The following PZP variants were observed in gnomAD, a reference collection of about 807,000 sequenced individuals.
The protein encoded by PZP is PZP alpha-2-macroglobulin like.
A neutral mutation model predicts 179.8 loss-of-function variants in PZP; 150 were observed. The ratio of observed to expected loss-of-function variants is 0.83; its 90% CI spans 0.73 to 0.96. The LOEUF is 0.96. PZP is among the 40% of genes least tolerant of loss of function. The pLI, the probability that PZP is intolerant of heterozygous loss-of-function variation, is 0.00. For missense variants in PZP, 1,689 were observed against 1,764.0 expected (o/e 0.96, Z 0.76); for synonymous variants, 624 against 652.3 (o/e 0.96, Z 0.66).
In PZP at chr12:9,162,693, G is replaced by A. The variant is rs371713435; in HGVS notation, c.2737-45C>T. On this transcript the variant is annotated intron_variant, in intron 21 of 35. Coordinates refer to ENST00000261336, the MANE Select transcript of PZP (RefSeq NM_002864.3). ...AAGGAGAAAAGATAGAAACATCCTG[G>A]TGACAAGAGAACCACATGGATTCCT... is the stretch of plus-strand genomic sequence containing the variant. The A allele has an allele frequency of 8.7e-5, 125 of 1,443,956 alleles. 1 individual carries two copies. The African/African-American group carries it at 1.5e-3, about 17-fold the overall frequency. 89.4% of individuals were successfully genotyped at this position (1,443,956 alleles called of 1,614,324 possible). A position where few individuals can be genotyped will look rare whatever the true frequency, so the allele number is the denominator to read the frequency against.
chr12:9,194,560 A>C (rs751032488), intron 10 of PZP, among the ~76,000 whole-genome samples: 1 of 145,476 alleles, frequency 6.9e-6, no homozygotes, highest in South Asian at 2.2e-4. Flanking sequence ...TGCCTCCTGG[A>C]CTCACGCCAT....
At position 9,169,455 on chromosome 12, in the gene PZP, T is replaced by C; in HGVS notation, c.1976A>G (p.Glu659Gly). The C allele has an allele frequency of 6.2e-7, 1 of 1,608,976 alleles. No homozygotes were observed. The highest frequency in any genetic ancestry group is 1.3e-5 in the African/African-American group (1 of 74,792). The change falls in exon 16 of 36, where the codon GAA becomes GGA. Residue 659 changes from glutamate to glycine, a missense_variant. Physicochemically the swap from Glu to Gly is moderately conservative, Grantham distance 98 (BLOSUM62 -2). Transcript: ENST00000261336. Reference protein sequence around the residue: ...GAIYVPLSSNEADIYSFLKGM... With the variant: ...GAIYVPLSSNGADIYSFLKGM... Reference sequence around the variant, plus strand: ...CTTGAGGAAGCTATAAATATCTGCTTCATTACTTGATAAGGGAACATAGAT... The same window carrying C: ...CTTGAGGAAGCTATAAATATCTGCTCCATTACTTGATAAGGGAACATAGAT...
chr12:9,202,945 T>C (rs1452728978), intron 2 of PZP, among the ~76,000 whole-genome samples: 2 of 152,180 alleles, frequency 1.3e-5, no homozygotes, highest in Non-Finnish European at 2.9e-5. Flanking sequence ...TAACTGAGTA[T>C]GTATATTCTG....
chr12:9,187,413 A>G (rs11049326), intron 13 of PZP, among the ~76,000 whole-genome samples: 36,982 of 152,116 alleles, frequency 0.24, 5,293 homozygotes, highest in Admixed American at 0.35. Flanking sequence ...CTACTCTAAA[A>G]CCGATCACAC....
At chr12:9,158,281 G>A in intron 26 of PZP, 139 bp downstream of exon 26, 2 of 1,292,424 alleles carry the variant, frequency 1.5e-6, no homozygotes, top group South Asian at 1.4e-5. Flanking sequence ...TGTAGAAAGT[G>A]TAATACTCTT....
At chr12:9,189,381 A>G (rs1943321757) in intron 13 of PZP, among the ~76,000 whole-genome samples, 1 of 152,202 alleles carries the variant, frequency 6.6e-6, no homozygotes, top group Admixed American at 6.5e-5. Context: ...CAAAGCTAAC[A>G]AACACAAGGA....
At chr12:9,203,976 A>ACTATCAT (rs1944321474) in intron 1 of PZP, 25 bp from the exon 2 acceptor site, 1 of 1,572,972 alleles carries the variant, frequency 6.4e-7, no homozygotes, top group Non-Finnish European at 8.7e-7. Context: ...AGTCTAAATT[A>ACTATCAT]GAGAAAAACT....
chr12:9,160,414 C>G lies in PZP; in HGVS notation c.2949G>C (p.Met983Ile), dbSNP rs779646812. 2.5e-6 allele frequency: 4 copies of G among 1,613,974 alleles called. No homozygotes were observed. Among genetic ancestry groups the G allele is most frequent in the Non-Finnish European group, 3.4e-6 (4 of 1,179,872 alleles). Residue 983 changes from methionine (M) to isoleucine (I), a missense_variant, in exon 24 of 36, where the codon ATG (methionine) becomes ATC (isoleucine). Around this residue, in one of 3 missense-constraint regions of PZP, gnomAD observed 746 missense variants for 749.2 expected, o/e 1.00. Coordinates refer to ENST00000261336, the MANE Select transcript of PZP (RefSeq NM_002864.3). ...QMPYGCGEQN[M>I]VLFAPNIYVL... ...CATAGATGTTAGGAGCAAATAGGAC[C>G]ATGTTCTGTTCTCCACAGCCATATG... is the stretch of plus-strand genomic sequence containing the variant.
intron 4 of PZP, 105 bp from the exon 5 acceptor site, chr12:9,201,452 T>C (rs1592567194): frequency 2.3e-6 from 2 of 851,124 alleles, no homozygotes; most frequent in Non-Finnish European, 3.7e-6. Context: ...TATCTGTAGC[T>C]AAATTCAACA....
intron 28 of PZP, among the ~76,000 whole-genome samples, chr12:9,156,756 G>C (rs1207946899): frequency 6.6e-6 from 1 of 152,028 alleles, no homozygotes; most frequent in East Asian, 1.9e-4. Context: ...TGTATGACTT[G>C]GCTAAGGAAT....
rs1288294272 is a variant in PZP, at chr12:9,196,506, G to T, written c.982+65C>A. 4 of 1,569,568 alleles carry T rather than the reference G, an allele frequency of 2.5e-6. No homozygotes were observed. In the South Asian group the frequency reaches 3.3e-5, roughly 13 times the overall value. On this transcript the variant is annotated intron_variant, in intron 9 of 35. Transcript: ENST00000261336. Reference sequence around the variant, plus strand: ...GTCATAAAATTTCTTTCTTACAAATGACCTTTATTTTGTTATGGAAAGTAA... The same window carrying T: ...GTCATAAAATTTCTTTCTTACAAATTACCTTTATTTTGTTATGGAAAGTAA...
Position 9,154,814 on chromosome 12 carries a change from A to T in PZP, c.3576T>A (p.Pro1192=). The T allele has an allele frequency of 6.2e-7, 1 of 1,614,138 alleles. No individual in the cohort carries two copies. The highest frequency in any genetic ancestry group is 8.5e-7 in the Non-Finnish European group (1 of 1,180,018). The change falls in exon 29 of 36, where the codon CCT becomes CCA. Residue 1192 remains proline (P), a synonymous_variant. Transcript: ENST00000261336. ...GCCCCACTGGTGCCTTGGGTCTCTG[A>T]GGGCGCTCCCAATGGACGAGGTTGT... The part of the protein sequence containing the change: ...KEDNLVHWER[P]QRPKAPVGHL...
chr12:9,174,323 T>C (rs1230989472), intron 15 of PZP, among the ~76,000 whole-genome samples: 2 of 151,990 alleles, frequency 1.3e-5, no homozygotes, highest in Admixed American at 6.6e-5. Flanking sequence ...TGAAGGAACA[T>C]ACCTCATAAG....
downstream of PZP, among the ~76,000 whole-genome samples, chr12:9,146,171 T>C (rs1939998156): frequency 1.3e-5 from 2 of 152,104 alleles, no homozygotes; most frequent in Admixed American, 6.6e-5. Flanking sequence ...AATGGTCAAT[T>C]TGATGGTGCT....
At chr12:9,154,080 T>C (rs1482582902) in intron 29 of PZP, among the ~76,000 whole-genome samples, 1 of 152,220 alleles carries the variant, frequency 6.6e-6, no homozygotes, top group Non-Finnish European at 1.5e-5. Context: ...AAGTGGATTC[T>C]ACTTAGTCAC....
chr12:9,141,546 C>G, the PZP span, among the ~76,000 whole-genome samples: 1 of 152,296 alleles, frequency 6.6e-6, no homozygotes, highest in African/African-American at 2.4e-5. Flanking sequence ...GATACTTCTT[C>G]AACTTTAGCC....
chr12:9,170,383 A>T lies in PZP; in HGVS notation c.1840-792T>A, dbSNP rs1442758737. On this transcript the variant is annotated intron_variant, in intron 15 of 35. Transcript: ENST00000261336. This position sits in a 1 kb window ranked among gnomAD's most constrained non-coding sequence, Gnocchi z 4.6. Reference sequence around the variant, plus strand: ...CAGAGCAGCTGCTCAGGCACACAGAAACCCTGGAGTTTTACATAATCCGGC... The same window carrying T: ...CAGAGCAGCTGCTCAGGCACACAGATACCCTGGAGTTTTACATAATCCGGC... 6.6e-6 allele frequency among the ~76,000 whole-genome samples: 1 copy of T among 152,180 alleles called. No homozygotes were observed. Among genetic ancestry groups the T allele is most frequent in the Non-Finnish European group, 1.5e-5 (1 of 68,038 alleles).
intron 22 of PZP, among the ~76,000 whole-genome samples, chr12:9,161,509 T>A (rs1592461537): frequency 6.6e-6 from 1 of 152,176 alleles, no homozygotes; most frequent in Non-Finnish European, 1.5e-5. Flanking sequence ...CATTTAACTA[T>A]ATTTTTGCAT....
intron 25 of PZP, among the ~76,000 whole-genome samples, chr12:9,159,157 C>T (rs1463855761): frequency 6.6e-6 from 1 of 152,048 alleles, no homozygotes; most frequent in African/African-American, 2.4e-5. Context: ...ATTTTTCTAA[C>T]ACCTCTTAGG....
Sources: allele counts gnomAD v4.1 joint callset (sites outside exome capture counted in the v4.1 genomes callset), GRCh38; gene constraint gnomAD v4.1.1; regional missense constraint gnomAD v4.1.1; non-coding constraint Gnocchi (gnomAD v3.1); transcripts MANE v1.5; gene names NCBI Gene and HGNC (gene_info 2026-07-23, HGNC 2026-07-21).